The following ACCSL variants were observed in gnomAD, a reference collection of about 807,000 sequenced individuals.
ACCSL encodes the protein 1-aminocyclopropane-1-carboxylate synthase homolog (inactive) like, also known as probable inactive 1-aminocyclopropane-1-carboxylate synthase-like protein 2.
ACCSL carries 55 observed loss-of-function variants against 61.7 expected under a neutral mutation model. That is an observed-to-expected ratio of 0.89 (90% CI 0.72 to 1.12). The LOEUF (loss-of-function observed/expected upper bound fraction) is 1.12. ACCSL is among the 50% of genes most tolerant of loss of function. The probability of loss-of-function intolerance (pLI) is 0.00; values close to 1 mark genes in which losing one functional copy is unlikely to be tolerated. For synonymous variants in ACCSL, 258 were observed against 264.3 expected (o/e 0.98, Z 0.23); for missense variants, 632 against 698.0 (o/e 0.91, Z 1.07).
At chr11:43,979,092 G>T in the ACCSL span, among the ~76,000 whole-genome samples, 1 of 152,132 alleles carries the variant, frequency 6.6e-6, no homozygotes, top group African/African-American at 2.4e-5. Flanking sequence ...GGATTTTTAT[G>T]CCTGGCCAAA....
the ACCSL span, among the ~76,000 whole-genome samples, chr11:43,990,141 A>G: frequency 6.6e-6 from 1 of 152,098 alleles, no homozygotes; most frequent in Non-Finnish European, 1.5e-5. Flanking sequence ...GCCTTAATTT[A>G]CTTGCCTGTG....
chr11:44,051,695 G>A lies in ACCSL; in HGVS notation c.748G>A (p.Ala250Thr). The change falls in exon 5 of 14, where the codon GCC becomes ACC. Residue 250 changes from alanine to threonine, a missense_variant. Ala to Thr is a moderately conservative substitution (Grantham distance 58). Coordinates refer to ENST00000378832, the MANE Select transcript of ACCSL (RefSeq NM_001031854.2). The stretch of plus-strand genomic sequence containing the variant: ...CTGCTGCTCTGTCTTCTGTGCCCTG[G>A]CCATGGTTCTGTGTGATCCAGGCGG... ...NGCCSVFCAL[A>T]MVLCDPGEAF... The A allele has an allele frequency of 4.3e-6, 7 of 1,614,128 alleles. No homozygotes were observed. Among genetic ancestry groups the A allele is most frequent in the East Asian group, 2.2e-5 (1 of 44,878 alleles).
chr11:43,952,624 A>T, the ACCSL span, among the ~76,000 whole-genome samples: 6 of 152,140 alleles, frequency 3.9e-5, no homozygotes, highest in Non-Finnish European at 8.8e-5. Context: ...TGCTTGCTCA[A>T]TTGATCATGA....
the ACCSL span, among the ~76,000 whole-genome samples, chr11:43,973,255 A>C: frequency 2.0e-5 from 3 of 152,350 alleles, no homozygotes; most frequent in East Asian, 5.8e-4. Context: ...ATAATCCAAC[A>C]CTATTTTAGG....
the ACCSL span, chr11:43,943,192 C>T: frequency 6.6e-7 from 1 of 1,516,444 alleles, no homozygotes; most frequent in Non-Finnish European, 8.8e-7. This position sits in a 1 kb window ranked among gnomAD's most constrained non-coding sequence, Gnocchi z 4.8. Flanking sequence ...GCACGCAGAG[C>T]CTGTCGCTGC....
At chr11:44,034,594 C>A in the ACCSL span, among the ~76,000 whole-genome samples, 2 of 151,992 alleles carry the variant, frequency 1.3e-5, no homozygotes, top group Non-Finnish European at 2.9e-5. Context: ...CAGGGAAATT[C>A]CCCTTTATAA....
At chr11:43,994,546 T>C in the ACCSL span, among the ~76,000 whole-genome samples, 1 of 152,142 alleles carries the variant, frequency 6.6e-6, no homozygotes, top group Non-Finnish European at 1.5e-5. Flanking sequence ...GTGTGTTGTG[T>C]GCATTTTGAT....
chr11:43,955,412 T>A, the ACCSL span, among the ~76,000 whole-genome samples: 1 of 152,218 alleles, frequency 6.6e-6, no homozygotes, highest in Non-Finnish European at 1.5e-5. Context: ...CAGTGGGATC[T>A]TCCTGACCAC....
chr11:43,981,640 C>A, the ACCSL span, among the ~76,000 whole-genome samples: 1 of 152,342 alleles, frequency 6.6e-6, no homozygotes, highest in African/African-American at 2.4e-5. Flanking sequence ...AATTTGTCTT[C>A]CTGTGCTCTT....
chr11:43,975,465 T>C, the ACCSL span, among the ~76,000 whole-genome samples: 1 of 152,314 alleles, frequency 6.6e-6, no homozygotes, highest in Admixed American at 6.5e-5. Context: ...GCAGACAGAA[T>C]GTCCTCTAAT....
In ACCSL at chr11:44,052,236, G is replaced by C. The variant is rs11037845; in HGVS notation, c.773-426G>C. Among the ~76,000 whole-genome samples the C allele has an allele frequency of 8.0e-3, 1,223 of 152,342 alleles. 11 individuals carry two copies. The highest frequency in any genetic ancestry group is 0.033 in the East Asian group (172 of 5,188). ...GAGCTTCTCTCAGCTCATCAGTAAG[G>C]CCAAATGGATGGGAAGAAAAGAACG... On this transcript the variant is annotated intron_variant, in intron 5 of 13. Transcript: ENST00000378832.
chr11:44,024,965 C>G, the ACCSL span, among the ~76,000 whole-genome samples: 6 of 151,942 alleles, frequency 3.9e-5, no homozygotes, highest in Non-Finnish European at 8.8e-5. Flanking sequence ...ATGATTTTGT[C>G]TTAAAGTCTA....
chr11:43,937,451 C>A, the ACCSL span, among the ~76,000 whole-genome samples: 1 of 152,218 alleles, frequency 6.6e-6, no homozygotes, highest in Non-Finnish European at 1.5e-5. Flanking sequence ...TCCAAGCTCA[C>A]ACAGTAAGTT....
At chr11:44,044,900 TG>T (rs1357005827), upstream of ACCSL, among the ~76,000 whole-genome samples, 1 of 151,920 alleles carries the variant, frequency 6.6e-6, no homozygotes, top group Non-Finnish European at 1.5e-5. Flanking sequence ...CCCGGGTGAA[TG>T]GAAAGGTAGA....
chr11:43,967,778 T>A, the ACCSL span, among the ~76,000 whole-genome samples: 1 of 152,126 alleles, frequency 6.6e-6, no homozygotes, highest in Admixed American at 6.5e-5. Flanking sequence ...ATTGAACGAG[T>A]TGGATTTTCA....
the ACCSL span, among the ~76,000 whole-genome samples, chr11:43,965,799 A>G: frequency 6.6e-6 from 1 of 152,210 alleles, no homozygotes. Flanking sequence ...AAACCCATAC[A>G]TCTATAGTCA....
At chr11:44,045,300 T>C (rs1262130875), upstream of ACCSL, among the ~76,000 whole-genome samples, 2 of 151,804 alleles carry the variant, frequency 1.3e-5, no homozygotes, top group African/African-American at 4.8e-5. Context: ...ATTGGCTGGG[T>C]GTGGTGGAAT....
At chr11:43,963,466 C>G in the ACCSL span, among the ~76,000 whole-genome samples, 1 of 152,306 alleles carries the variant, frequency 6.6e-6, no homozygotes, top group African/African-American at 2.4e-5. Flanking sequence ...TCAGAGGGAG[C>G]AACTTGGATA....
At chr11:44,016,302 G>C in the ACCSL span, among the ~76,000 whole-genome samples, 1 of 152,134 alleles carries the variant, frequency 6.6e-6, no homozygotes, top group Non-Finnish European at 1.5e-5. Flanking sequence ...CTGCAGTATT[G>C]CTGGCCGGCT....
Sources: gnomAD v4.1 joint callset for allele counts (sites outside exome capture counted in the v4.1 genomes callset) on GRCh38, gnomAD v4.1.1 for gene constraint, Gnocchi (gnomAD v3.1) non-coding constraint, MANE v1.5 for transcripts, NCBI Gene and HGNC (gene_info 2026-07-23, HGNC 2026-07-21) for gene names.